NUP133: variants seen among roughly 807,000 people sequenced by gnomAD.
NUP133 encodes the protein nucleoporin 133.
NUP133 carries 66 observed loss-of-function variants against 146.2 expected under a neutral mutation model. The observed-to-expected ratio is 0.45, with a 90% CI of 0.37 to 0.55. NUP133 has a LOEUF of 0.55. Among genes scored for constraint, NUP133 ranks in the 20% least tolerant of loss-of-function variants. NUP133 has a pLI of 0.00. For missense variants in NUP133, 1,277 were observed against 1,374.8 expected (o/e 0.93, Z 1.12); for synonymous variants, 521 against 498.8 (o/e 1.04, Z -0.59).
At chr1:229,443,194 CCTAG>C (rs1226746230) in intron 25 of NUP133, among the ~76,000 whole-genome samples, 1 of 151,176 alleles carries the variant, frequency 6.6e-6, no homozygotes, top group Admixed American at 6.6e-5. Flanking sequence ...CACCACGAAG[CCTAG>C]CTAATTTTTT....
intron 2 of NUP133, 66 bp downstream of exon 2, chr1:229,505,974 T>A: frequency 1.1e-6 from 1 of 891,706 alleles, no homozygotes; most frequent in Non-Finnish European, 1.8e-6. Flanking sequence ...ATAAATTTAA[T>A]CTCTATGCCA....
At chr1:229,453,208 T>G (rs973873349) in intron 21 of NUP133, among the ~76,000 whole-genome samples, 1 of 140,304 alleles carries the variant, frequency 7.1e-6, no homozygotes, top group African/African-American at 3.2e-5. Flanking sequence ...GGAGGGTAAC[T>G]TTCGACTCCC....
Position 229,441,708 on chromosome 1 carries a change from GA to G in NUP133, c.*195del. 1 of 477,278 alleles carries G rather than the reference GA, an allele frequency of 2.1e-6. No homozygotes were observed. The allele number at this position is 477,278 out of a possible 1,614,324, so 29.6% of individuals were successfully genotyped here. A position where few individuals can be genotyped will look rare whatever the true frequency, so the allele number is the denominator to read the frequency against. On this transcript the variant is annotated 3_prime_UTR_variant, in exon 26 of 26. Transcript: ENST00000261396. ...AACAACAACTGACACATTTCAGGTG[GA>G]AAAAACAAGTCACATAACTGAAAAC...
In NUP133 at chr1:229,465,308, G is replaced by A. The variant is rs530773328; in HGVS notation, c.2299+112C>T. On this transcript the variant is annotated intron_variant, in intron 17 of 25. Transcript: ENST00000261396. ...GACAAGAGCTGCTCATTTTGGAGAC[G>A]GCACTTTTTCATTTCACTTACAAAC... 7.0e-4 allele frequency: 551 copies of A among 784,954 alleles called. 6 individuals are homozygous for A. Among genetic ancestry groups the A allele is most frequent in the South Asian group, 6.4e-3 (390 of 61,410 alleles). The allele number at this position is 784,954 out of a possible 1,614,324, so 48.6% of individuals were successfully genotyped here.
intron 2 of NUP133, among the ~76,000 whole-genome samples, chr1:229,503,557 T>C (rs370782253): frequency 6.6e-6 from 1 of 152,228 alleles, no homozygotes; most frequent in Admixed American, 6.5e-5. Context: ...TTAACAGCCC[T>C]GGAAATTTTA....
chr1:229,466,115 A>ACTT (rs1660808384), intron 16 of NUP133, among the ~76,000 whole-genome samples: 1 of 152,200 alleles, frequency 6.6e-6, no homozygotes, highest in Admixed American at 6.5e-5. Context: ...CAATAGTAAA[A>ACTT]GTAGCAAGGT....
chr1:229,508,009 C>G (rs1367789785), intron 1 of NUP133, 59 bp downstream of exon 1: 1 of 1,399,816 alleles, frequency 7.1e-7, no homozygotes, highest in Non-Finnish European at 9.4e-7. Context: ...ACAACCTATC[C>G]GGCCCACTGC....
intron 21 of NUP133, among the ~76,000 whole-genome samples, chr1:229,455,979 T>C (rs1415274712): frequency 2.0e-5 from 3 of 152,214 alleles, no homozygotes; most frequent in Admixed American, 2.0e-4. Context: ...GTCATGGCTC[T>C]TAGGTTCCTT....
chr1:229,491,158 C>T (rs60242545), intron 8 of NUP133, among the ~76,000 whole-genome samples: 5,360 of 152,072 alleles, frequency 0.035, 260 homozygotes, highest in African/African-American at 0.11. Context: ...GGCAACCATA[C>T]GCATTTATTT....
intron 5 of NUP133, chr1:229,499,126 C>A: frequency 2.2e-6 from 1 of 463,152 alleles, no homozygotes. Context: ...TCTTGAACTC[C>A]TGGCCTCAGG....
At chr1:229,455,520 C>A (rs1227453812) in intron 21 of NUP133, among the ~76,000 whole-genome samples, 2 of 152,176 alleles carry the variant, frequency 1.3e-5, no homozygotes, top group African/African-American at 4.8e-5. Flanking sequence ...ATGATTGTGC[C>A]ACTGTGCTCC....
In NUP133 at chr1:229,440,441, T is replaced by C. The variant is rs1660158024; in HGVS notation, c.*1463A>G. The C allele has an allele frequency of 6.6e-6, 1 of 152,220 alleles. No homozygotes were observed. The highest frequency in any genetic ancestry group is 2.4e-5 in the African/African-American group (1 of 41,452). The allele number at this position is 152,220 out of a possible 1,614,324, so 9.4% of individuals were successfully genotyped here. On this transcript the variant is annotated 3_prime_UTR_variant, in exon 26 of 26. Transcript: ENST00000261396. The stretch of plus-strand genomic sequence containing the variant: ...CTACGTCCACGCGATCAGTGGGTTC[T>C]GGGGCATGATCAGATGGGCTTTCCT...
At chr1:229,493,270 T>C (rs2102779819) in intron 8 of NUP133, among the ~76,000 whole-genome samples, 1 of 152,318 alleles carries the variant, frequency 6.6e-6, no homozygotes, top group East Asian at 1.9e-4. Flanking sequence ...CCCAATCTCC[T>C]GGGCTCAAGT....
intron 19 of NUP133, among the ~76,000 whole-genome samples, chr1:229,462,558 A>G (rs1220234046): frequency 2.6e-5 from 4 of 151,786 alleles, no homozygotes; most frequent in African/African-American, 9.7e-5. Flanking sequence ...TAGTGTCACA[A>G]TGGAAATTTT....
At chr1:229,502,970 G>A (rs1448864922) in intron 2 of NUP133, among the ~76,000 whole-genome samples, 1 of 151,652 alleles carries the variant, frequency 6.6e-6, no homozygotes, top group Non-Finnish European at 1.5e-5. Context: ...TAAGTAAGCA[G>A]AAACAACAAA....
intron 21 of NUP133, among the ~76,000 whole-genome samples, chr1:229,453,488 C>T (rs1018810067): frequency 3.4e-5 from 5 of 148,898 alleles, no homozygotes; most frequent in Admixed American, 1.3e-4. Context: ...AAAAAATACT[C>T]GAGAACTATG....
chr1:229,443,692 A>G (rs1660234335), intron 25 of NUP133, among the ~76,000 whole-genome samples: 1 of 151,664 alleles, frequency 6.6e-6, no homozygotes, highest in Admixed American at 6.6e-5. Context: ...ATATATGTAA[A>G]ATATACATAT....
intron 21 of NUP133, among the ~76,000 whole-genome samples, chr1:229,455,643 T>C (rs923658944): frequency 1.3e-5 from 2 of 152,190 alleles, no homozygotes; most frequent in African/African-American, 4.8e-5. Flanking sequence ...GTGCACGTTA[T>C]ATCCTCCAGC....
chr1:229,441,762 T>C lies in NUP133; in HGVS notation c.*142A>G. On this transcript the variant is annotated 3_prime_UTR_variant, in exon 26 of 26. Transcript: ENST00000261396. ...AAATCACAGTTACATAACTATTTTA[T>C]ATTAGCTTCCTACATATAAAGTATA... 1 of 676,762 alleles carries C rather than the reference T, an allele frequency of 1.5e-6. No individual in the cohort carries two copies. The highest frequency in any genetic ancestry group is 2.4e-6 in the Non-Finnish European group (1 of 417,544). The allele number at this position is 676,762 out of a possible 1,614,324, so 41.9% of individuals were successfully genotyped here. A position where few individuals can be genotyped will look rare whatever the true frequency, so the allele number is the denominator to read the frequency against.
Sources: allele counts gnomAD v4.1 joint callset (sites outside exome capture counted in the v4.1 genomes callset), GRCh38; gene constraint gnomAD v4.1.1; transcripts MANE v1.5; gene names NCBI Gene and HGNC (gene_info 2026-07-23, HGNC 2026-07-21).